The following EQTN variants were observed in gnomAD, a reference collection of about 807,000 sequenced individuals.
EQTN encodes equatorin, also known as Acrosome formation associated factor.
EQTN carries 29 observed loss-of-function variants against 26.9 expected under a neutral mutation model. That is an observed-to-expected ratio of 1.08 (90% CI 0.80 to 1.47). The LOEUF is 1.47. Ranked by LOEUF, EQTN falls within the 40% of genes most tolerant of loss-of-function variation. The pLI is 0.00. For synonymous variants in EQTN, 129 were observed against 120.0 expected, an observed-to-expected ratio of 1.07 and a Z score of -0.49; for missense variants, 391 against 346.1, an observed-to-expected ratio of 1.13 and a Z score of -1.03.
chr9:27,288,141 T>C lies in EQTN; in HGVS notation c.481+1531A>G, dbSNP rs549600036. On this transcript the variant is annotated intron_variant, in intron 6 of 7. Coordinates refer to ENST00000380032, the MANE Select transcript of EQTN (RefSeq NM_020641.3). ...GCCACAAGGCAAATGGCCACACTTA[T>C]CAATCCAGTGCACAAATGAGGGGAC... Among the ~76,000 whole-genome samples, 6 of 152,300 alleles carry C rather than the reference T, an allele frequency of 3.9e-5. No individual in the cohort carries two copies. In the South Asian group the frequency reaches 1.0e-3, roughly 26 times the overall value.
intron 7 of EQTN, among the ~76,000 whole-genome samples, chr9:27,285,816 T>G (rs1270088729): frequency 6.6e-6 from 1 of 152,198 alleles, no homozygotes; most frequent in Non-Finnish European, 1.5e-5. Flanking sequence ...TCTGGACAGG[T>G]CTCACAATGT....
chr9:27,294,433 T>G, intron 2 of EQTN, 31 bp from the exon 3 acceptor site: 1 of 1,389,394 alleles, frequency 7.2e-7, no homozygotes, highest in Non-Finnish European at 1.0e-6. Flanking sequence ...CTTCAGCAAC[T>G]AGCTAAGTCA....
At chr9:27,286,145 A>G in intron 7 of EQTN, 64 bp downstream of exon 7, 1 of 1,487,954 alleles carries the variant, frequency 6.7e-7, no homozygotes, top group Non-Finnish European at 9.3e-7. Context: ...TCTACTAAAG[A>G]GAGGAGGGAG....
At chr9:27,285,000 A>T (rs114273332) in intron 7 of EQTN, 28 bp from the exon 8 acceptor site, 36,046 of 1,574,548 alleles carry the variant, frequency 0.023, 697 homozygotes, top group East Asian at 0.032. Flanking sequence ...ATATATCAAG[A>T]ATTGTTTTTA....
chr9:27,287,367 G>C (rs139484333), intron 6 of EQTN, among the ~76,000 whole-genome samples: 3 of 152,148 alleles, frequency 2.0e-5, no homozygotes, highest in African/African-American at 7.2e-5. Flanking sequence ...AACAAATTAC[G>C]TTAAAATGGG....
intron 6 of EQTN, among the ~76,000 whole-genome samples, chr9:27,288,581 C>A (rs78652091): frequency 0.043 from 6,609 of 152,164 alleles, 309 homozygotes; most frequent in Admixed American, 0.15. Flanking sequence ...TTTACAATAG[C>A]TTTTTTCATA....
At chr9:27,294,760 T>C (rs1820304013) in intron 2 of EQTN, among the ~76,000 whole-genome samples, 1 of 152,208 alleles carries the variant, frequency 6.6e-6, no homozygotes, top group African/African-American at 2.4e-5. Flanking sequence ...AAGAAGCATT[T>C]ACCTGCCCTT....
At chr9:27,294,163 A>T (rs1820290310) in intron 3 of EQTN, among the ~76,000 whole-genome samples, 153 bp downstream of exon 3, 1 of 152,218 alleles carries the variant, frequency 6.6e-6, no homozygotes. Flanking sequence ...CCAAGAACTA[A>T]GCTGGATCCC....
At chr9:27,285,020 A>T in intron 7 of EQTN, 48 bp from the exon 8 acceptor site, 8 of 1,535,604 alleles carry the variant, frequency 5.2e-6, no homozygotes, top group Non-Finnish European at 7.0e-6. Context: ...AATTGTGTAC[A>T]TTTGTAACTC....
At chr9:27,289,270 A>G (rs906538837) in intron 6 of EQTN, among the ~76,000 whole-genome samples, 1 of 152,150 alleles carries the variant, frequency 6.6e-6, no homozygotes, top group Non-Finnish European at 1.5e-5. Flanking sequence ...GTCATGTGGG[A>G]GGTATAACTA....
chr9:27,284,971 A>T lies in EQTN; in HGVS notation c.637T>A (p.Tyr213Asn). Residue 213 changes from tyrosine (Y) to asparagine (N), a missense_variant and splice_region_variant, in exon 8 of 8, where the codon TAT (tyrosine) becomes AAT (asparagine). Tyr to Asn is a moderately radical substitution (Grantham distance 143, BLOSUM62 -2). Coordinates refer to ENST00000380032, the MANE Select transcript of EQTN (RefSeq NM_020641.3). ...GAGTACTGACTCTCACAACTTTTAT[A>T]ACTGAAGAAGAAAAGAACATATATC... ...ATLYKLRHLS[Y>N]KSCESQYSVN... 6.2e-7 allele frequency: 1 copy of T among 1,609,510 alleles called. No homozygotes were observed. Among genetic ancestry groups the T allele is most frequent in the Admixed American group, 1.7e-5 (1 of 59,114 alleles).
Position 27,286,305 on chromosome 9 carries a change from A to C in EQTN, c.539T>G (p.Ile180Ser). The change falls in exon 7 of 8, where the codon ATC (isoleucine) becomes AGC (serine). Residue 180 changes from isoleucine (I) to serine (S), a missense_variant. Coordinates refer to ENST00000380032, the MANE Select transcript of EQTN (RefSeq NM_020641.3). ...ENQPDLEDLK[I>S]KIMLGISLMT... ...CAACGAGATTCCCAGCATTATTTTGATCTTCAGATCCTCTAGATCTGGCTG... is the reference window on the plus strand; with the variant it reads ...CAACGAGATTCCCAGCATTATTTTGCTCTTCAGATCCTCTAGATCTGGCTG... The C allele has an allele frequency of 1.2e-6, 2 of 1,609,810 alleles. No homozygotes were observed. The highest frequency in any genetic ancestry group is 1.7e-6 in the Non-Finnish European group (2 of 1,177,954).
chr9:27,290,028 A>G (rs530371598), intron 5 of EQTN, among the ~76,000 whole-genome samples: 1 of 152,346 alleles, frequency 6.6e-6, no homozygotes, highest in East Asian at 1.9e-4. Context: ...CACTTAATAC[A>G]TATTGTTGAT....
At chr9:27,285,133 C>CTTTTTTTTTTTTTTT (rs201723057) in intron 7 of EQTN, among the ~76,000 whole-genome samples, 161 bp from the exon 8 acceptor site, 1 of 77,082 alleles carries the variant, frequency 1.3e-5, no homozygotes, top group African/African-American at 5.7e-5. Context: ...TTTTCTTTTC[C>CTTTTTTTTTTTTTTT]TTTTTTTTTT....
intron 2 of EQTN, among the ~76,000 whole-genome samples, chr9:27,295,113 C>T (rs1820309932): frequency 6.6e-6 from 1 of 152,132 alleles, no homozygotes; most frequent in Non-Finnish European, 1.5e-5. Context: ...AAGAAATTCA[C>T]CCCAGTGTGT....
chr9:27,284,746 T>A lies in EQTN; in HGVS notation c.862A>T (p.Asn288Tyr). ...CTTCACCGGGTAACCGACTCATCGT[T>A]TTCATGCATCTCATTATCTGAGCCT... ...SIGSDNEMHE[N>Y]DESVTR The change falls in exon 8 of 8, where the codon AAC (asparagine) becomes TAC (tyrosine). Residue 288 changes from asparagine (N) to tyrosine (Y), a missense_variant. Coordinates refer to ENST00000380032, the MANE Select transcript of EQTN (RefSeq NM_020641.3). The A allele has an allele frequency of 6.2e-7, 1 of 1,614,012 alleles. No individual in the cohort carries two copies.
chr9:27,295,993 G>A (rs1251476224), intron 2 of EQTN, among the ~76,000 whole-genome samples: 1 of 152,078 alleles, frequency 6.6e-6, no homozygotes, highest in African/African-American at 2.4e-5. Context: ...AATCTTCTCA[G>A]TTATTAAAGA....
chr9:27,292,496 A>G lies in EQTN; in HGVS notation c.290-9T>C, dbSNP rs778038568. On this transcript the variant is annotated splice_polypyrimidine_tract_variant and intron_variant, in intron 3 of 7. Transcript: ENST00000380032. ...TGCATTGACAGTTTTATCTAGGAAA[A>G]GGGAAAAAGAATTATCAGCATGTAA... 6.4e-6 allele frequency: 10 copies of G among 1,555,290 alleles called. No homozygotes were observed. The highest frequency in any genetic ancestry group is 7.0e-6 in the Non-Finnish European group (8 of 1,136,426).
intron 2 of EQTN, 63 bp downstream of exon 2, chr9:27,296,550 A>C: frequency 8.6e-7 from 1 of 1,165,696 alleles, no homozygotes; most frequent in Non-Finnish European, 1.2e-6. Flanking sequence ...TAAAAAGGAC[A>C]CTTAAGTGAA....
Sources: gnomAD v4.1 joint callset for allele counts (sites outside exome capture counted in the v4.1 genomes callset) on GRCh38, gnomAD v4.1.1 for gene constraint, MANE v1.5 for transcripts, NCBI Gene and HGNC (gene_info 2026-07-23, HGNC 2026-07-21) for gene names.